Variants in ROBO2 observed in about 807,000 individuals in gnomAD.
ROBO2 encodes the protein roundabout homolog 2.
Under a neutral mutation model 160.8 loss-of-function variants are expected in ROBO2, and 53 were observed. The ratio of observed to expected loss-of-function variants is 0.33; its 90% CI spans 0.26 to 0.41. The LOEUF (loss-of-function observed/expected upper bound fraction) is 0.41, where lower values mean the gene tolerates loss of function less well. Ranked by LOEUF, ROBO2 falls within the 10% of genes least tolerant of loss-of-function variation. The pLI is 1.00. For missense variants in ROBO2, 1,577 were observed against 1,722.4 expected (o/e 0.92, Z 1.49); for synonymous variants, 664 against 611.7 (o/e 1.09, Z -1.26).
chr3:76,184,360 T>C (rs1283274767), intron 2 of ROBO2, among the ~76,000 whole-genome samples: 3 of 152,080 alleles, frequency 2.0e-5, no homozygotes, highest in Non-Finnish European at 2.9e-5. Context: ...GACAGAAGTA[T>C]GCAATGGCCC....
rs546682586 is a variant in ROBO2 at position 76,989,692 on chromosome 3, C to T, written c.110-108322C>T. On this transcript the variant is annotated intron_variant, in intron 2 of 26. Transcript: ENST00000487694. ...TGTGCTCTAATTTTTCACCCTATTA[C>T]ATTTCCATATTTCAGTAAGACTGGG... 7.4e-4 allele frequency among the ~76,000 whole-genome samples: 113 copies of T among 152,222 alleles called. 1 individual carries two copies. Among genetic ancestry groups the T allele is most frequent in the African/African-American group, 2.5e-3 (105 of 41,550 alleles).
chr3:76,622,295 AAAGAAAGAAAGAAAG>A (rs2089264271), intron 2 of ROBO2, among the ~76,000 whole-genome samples: 2 of 77,758 alleles, frequency 2.6e-5, no homozygotes, highest in Admixed American at 1.3e-4. Context: ...AGAAAGAAAG[AAAGAAAGAAAGAAAG>A]AAAACATAGC....
At position 77,494,119 on chromosome 3, in the gene ROBO2, G is replaced by C. The variant is rs556889235; in HGVS notation, c.806+737G>C. Among the ~76,000 whole-genome samples, 593 of 152,246 alleles carry C rather than the reference G, an allele frequency of 3.9e-3. 4 individuals carry two copies. The highest frequency in any genetic ancestry group is 0.014 in the African/African-American group (562 of 41,548). ...ATTTAGAATGAAATAAGTAATTCAA[G>C]TGTTTTTTGTTGTTGTTGTTTTAAC... On this transcript the variant is annotated intron_variant, in intron 5 of 25. Transcript: ENST00000461745.
At chr3:76,676,032 C>T in intron 2 of ROBO2, among the ~76,000 whole-genome samples, 1 of 151,914 alleles carries the variant, frequency 6.6e-6, no homozygotes, top group East Asian at 1.9e-4. Context: ...AGAACATATG[C>T]TATATTGTTA....
At chr3:77,193,448 GTTTTT>G (rs552295952) in intron 2 of ROBO2, among the ~76,000 whole-genome samples, 1 of 121,612 alleles carries the variant, frequency 8.2e-6, no homozygotes, top group African/African-American at 2.7e-5. Context: ...GCCCAGCTAA[GTTTTT>G]TTTTTTTTTA....
At chr3:77,062,536 A>G (rs1364941359) in intron 1 of ROBO2, among the ~76,000 whole-genome samples, 1 of 152,168 alleles carries the variant, frequency 6.6e-6, no homozygotes. Context: ...ACAGCTGGGT[A>G]CTTATTCCTG....
At chr3:76,425,691 T>C (rs2076195098) in intron 2 of ROBO2, among the ~76,000 whole-genome samples, 1 of 152,118 alleles carries the variant, frequency 6.6e-6, no homozygotes. Flanking sequence ...TCATAGACTA[T>C]GAGTTCCTCA....
chr3:76,318,747 T>C (rs1450125841), intron 2 of ROBO2, among the ~76,000 whole-genome samples: 2 of 152,168 alleles, frequency 1.3e-5, no homozygotes, highest in Non-Finnish European at 2.9e-5. Context: ...TCATTTTTTT[T>C]AGTTTTCAAA....
chr3:76,230,877 A>G (rs1704581024), intron 2 of ROBO2, among the ~76,000 whole-genome samples: 1 of 152,166 alleles, frequency 6.6e-6, no homozygotes, highest in Non-Finnish European at 1.5e-5. Flanking sequence ...CCTTTTAACA[A>G]AGGAATTAGG....
chr3:77,416,652 G>T (rs143214824), intron 2 of ROBO2, among the ~76,000 whole-genome samples: 19 of 149,702 alleles, frequency 1.3e-4, no homozygotes, highest in African/African-American at 4.7e-4. Flanking sequence ...AGGAGGCAGA[G>T]GTTGCAGTGA....
chr3:76,897,350 C>T (rs896372357), intron 2 of ROBO2, among the ~76,000 whole-genome samples: 3 of 152,080 alleles, frequency 2.0e-5, no homozygotes, highest in Non-Finnish European at 2.9e-5. Context: ...GGAGCACCCC[C>T]AGTGCATTTT....
At chr3:76,170,877 A>G (rs986049063) in intron 2 of ROBO2, among the ~76,000 whole-genome samples, 1 of 152,180 alleles carries the variant, frequency 6.6e-6, no homozygotes, top group Non-Finnish European at 1.5e-5. Flanking sequence ...AACAATTAGT[A>G]TGTGGCTATT....
chr3:77,277,164 C>A (rs1230166232), intron 2 of ROBO2, among the ~76,000 whole-genome samples: 2 of 84,968 alleles, frequency 2.4e-5, no homozygotes, highest in African/African-American at 1.1e-4. Context: ...TTCCTTCTTT[C>A]TTTCTTTCTT....
chr3:76,127,435 T>C (rs2071031950), intron 2 of ROBO2, among the ~76,000 whole-genome samples: 1 of 152,058 alleles, frequency 6.6e-6, no homozygotes, highest in Non-Finnish European at 1.5e-5. Context: ...GACTCTAGGA[T>C]AGAATATAAC....
chr3:77,146,635 A>G (rs1206544313), intron 2 of ROBO2, among the ~76,000 whole-genome samples: 1 of 151,982 alleles, frequency 6.6e-6, no homozygotes, highest in East Asian at 1.9e-4. Context: ...ATTTATCAAA[A>G]AAACAACATG....
At chr3:77,398,877 G>A (rs967072141) in intron 2 of ROBO2, among the ~76,000 whole-genome samples, 1 of 152,104 alleles carries the variant, frequency 6.6e-6, no homozygotes, top group African/African-American at 2.4e-5. Context: ...GAGCTACCAT[G>A]CCTGACCATT....
chr3:75,951,594 CTAAGT>C (rs1190866332), intron 2 of ROBO2, among the ~76,000 whole-genome samples: 11 of 152,054 alleles, frequency 7.2e-5, no homozygotes, highest in Admixed American at 2.6e-4. Context: ...AGAAATTAGC[CTAAGT>C]TAAGTTTGGG....
Position 76,142,752 on chromosome 3 carries a change from G to C in ROBO2, c.109+205150G>C, listed in dbSNP as rs180727409. On this transcript the variant is annotated intron_variant, in intron 2 of 26. Transcript: ENST00000487694. ...ACCTACTATTTGATGGCACGATAGG[G>C]TGACTATAGTCAGTAATAATTCAGT... is the stretch of plus-strand genomic sequence containing the variant. 1.3e-4 allele frequency among the ~76,000 whole-genome samples: 20 copies of C among 151,998 alleles called. No individual in the cohort carries two copies. The East Asian group carries it at 3.1e-3, about 24-fold the overall frequency.
chr3:76,800,562 G>A (rs1017437223), intron 2 of ROBO2, among the ~76,000 whole-genome samples: 2 of 152,108 alleles, frequency 1.3e-5, no homozygotes, highest in Non-Finnish European at 2.9e-5. Context: ...ATAGGGAAAG[G>A]ATCTGAATAG....
Sources: gnomAD v4.1 joint callset for allele counts (sites outside exome capture counted in the v4.1 genomes callset) on GRCh38, gnomAD v4.1.1 for gene constraint, MANE v1.5 for transcripts, NCBI Gene and HGNC (gene_info 2026-07-23, HGNC 2026-07-21) for gene names.